NPSR1: variants seen among roughly 807,000 people sequenced by gnomAD.
NPSR1 encodes the protein neuropeptide S receptor 1.
In NPSR1, 48 loss-of-function variants were observed where a neutral mutation model predicts 46.9. That is an observed-to-expected ratio of 1.02 (90% CI 0.81 to 1.30). NPSR1 has a LOEUF of 1.30. Among genes scored for constraint, NPSR1 ranks in the 50% most tolerant of loss-of-function variants. The probability of loss-of-function intolerance (pLI) is 0.00; values close to 1 mark genes in which losing one functional copy is unlikely to be tolerated. For missense variants in NPSR1, 450 were observed against 449.5 expected, an observed-to-expected ratio of 1.00 and a Z score of -0.01; for synonymous variants, 176 against 168.1, an observed-to-expected ratio of 1.05 and a Z score of -0.36.
At chr7:34,764,382 C>T (rs1786326587) in intron 2 of NPSR1, among the ~76,000 whole-genome samples, 2 of 152,296 alleles carry the variant, frequency 1.3e-5, no homozygotes, top group East Asian at 1.9e-4. Context: ...CAGAGGTCTG[C>T]AAACTCCAGC....
intron 8 of NPSR1, among the ~76,000 whole-genome samples, chr7:34,875,115 T>C (rs1425334509): frequency 6.6e-6 from 1 of 152,180 alleles, no homozygotes; most frequent in African/African-American, 2.4e-5. Context: ...GTAGACACTC[T>C]TTGCATATTT....
At chr7:34,791,693 A>T (rs549248163) in intron 3 of NPSR1, among the ~76,000 whole-genome samples, 9 of 151,974 alleles carry the variant, frequency 5.9e-5, no homozygotes, top group East Asian at 3.9e-4. Flanking sequence ...TACAGAAATT[A>T]AAAAAAATCA....
chr7:34,786,308 T>G (rs1361506854), intron 3 of NPSR1, among the ~76,000 whole-genome samples: 2 of 152,134 alleles, frequency 1.3e-5, no homozygotes, highest in East Asian at 3.9e-4. Flanking sequence ...CAATTCCTCA[T>G]CCATTCTAGT....
chr7:34,827,348 C>A, intron 4 of NPSR1, 53 bp from the exon 5 acceptor site: 1 of 1,520,708 alleles, frequency 6.6e-7, no homozygotes, highest in Non-Finnish European at 9.1e-7. Context: ...CTCCATTGTG[C>A]TCCCAAAAAT....
Position 34,792,698 on chromosome 7 carries a change from TAC to T in NPSR1, c.384+14134_384+14135del, listed in dbSNP as rs199603531. 9.0e-4 allele frequency among the ~76,000 whole-genome samples: 103 copies of T among 114,608 alleles called. 1 individual carries two copies. The highest frequency in any genetic ancestry group is 4.4e-3 in the Middle Eastern group (1 of 228). The allele number at this position is 114,608 out of a possible 152,430, so 75.2% of individuals were successfully genotyped here. On this transcript the variant is annotated intron_variant, in intron 3 of 8. Transcript: ENST00000360581. ...ATGTATATATATATATGTATATATA[TAC>T]GTATATATATATATTTATATATATA...
intron 1 of NPSR1, among the ~76,000 whole-genome samples, chr7:34,679,325 C>T (rs180726188): frequency 3.3e-5 from 5 of 152,076 alleles, no homozygotes; most frequent in Admixed American, 3.3e-4. Flanking sequence ...ATTCTACTTA[C>T]AGGAGAAATA....
intron 1 of NPSR1, among the ~76,000 whole-genome samples, chr7:34,664,608 C>CTT (rs112253730): frequency 9.9e-5 from 10 of 101,298 alleles, no homozygotes; most frequent in Non-Finnish European, 1.5e-4. Context: ...TGTTTCTTTT[C>CTT]TTTTTTTTAA....
chr7:34,705,599 ATCTCTCTCTC>A (rs60599463), intron 2 of NPSR1, among the ~76,000 whole-genome samples: 21 of 147,316 alleles, frequency 1.4e-4, no homozygotes, highest in South Asian at 4.4e-4. Flanking sequence ...ATGTATGTTG[ATCTCTCTCTC>A]TCTCTCTCTC....
Position 34,739,622 on chromosome 7 carries a change from C to G in NPSR1, c.281-38840C>G, listed in dbSNP as rs1456050057. Among the ~76,000 whole-genome samples the G allele has an allele frequency of 3.9e-5, 6 of 152,326 alleles. No homozygotes were observed. The East Asian group carries it at 1.2e-3, about 29-fold the overall frequency. On this transcript the variant is annotated intron_variant, in intron 2 of 8. Coordinates refer to ENST00000360581, the MANE Select transcript of NPSR1 (RefSeq NM_207172.2). ...TTCCCTTGATGTAGTACTCTCCCCA[C>G]TTTTCCTAGGGATGTGGCTTCCTGA...
At chr7:34,878,017 T>C (rs1791616160) in intron 8 of NPSR1, 1 of 960,738 alleles carries the variant, frequency 1.0e-6, no homozygotes, top group Non-Finnish European at 1.6e-6. Context: ...TCCTTCCTTT[T>C]ATGCAAATAG....
chr7:34,750,641 T>C (rs1179007244), intron 2 of NPSR1: 2 of 687,304 alleles, frequency 2.9e-6, no homozygotes, highest in South Asian at 1.5e-5. Context: ...CTTGGCCCCA[T>C]GTTGTAGCTT....
chr7:34,707,396 T>C (rs536353584), intron 2 of NPSR1, among the ~76,000 whole-genome samples: 3 of 152,322 alleles, frequency 2.0e-5, no homozygotes, highest in Non-Finnish European at 4.4e-5. Context: ...ATAGCTGGCT[T>C]CTGGCCCATG....
chr7:34,765,057 AG>A (rs1786367025), intron 2 of NPSR1, among the ~76,000 whole-genome samples: 1 of 152,298 alleles, frequency 6.6e-6, no homozygotes. Flanking sequence ...GAAAATCCAA[AG>A]AAAAATCTGA....
intron 2 of NPSR1, chr7:34,751,692 G>C (rs1031203348): frequency 2.0e-5 from 32 of 1,588,800 alleles, no homozygotes; most frequent in African/African-American, 4.0e-5. Context: ...TCATCAACAG[G>C]AAAGTGGGGA....
intron 1 of NPSR1, 132 bp downstream of exon 1, chr7:34,658,691 A>G (rs948735225): frequency 2.1e-6 from 2 of 975,548 alleles, no homozygotes; most frequent in South Asian, 1.6e-5. Flanking sequence ...AGGATTTTTA[A>G]AAGTCTGAAG....
intron 4 of NPSR1, among the ~76,000 whole-genome samples, chr7:34,820,849 T>C (rs1035586356): frequency 1.3e-5 from 2 of 152,206 alleles, no homozygotes; most frequent in Non-Finnish European, 2.9e-5. Context: ...AGACAAAGAA[T>C]TGTGGAGACC....
intron 3 of NPSR1, among the ~76,000 whole-genome samples, chr7:34,792,725 A>ATACG (rs1787987882): frequency 9.0e-6 from 1 of 110,804 alleles, no homozygotes; most frequent in African/African-American, 3.2e-5. Context: ...TTATATATAT[A>ATACG]TATATATATT....
intron 2 of NPSR1, among the ~76,000 whole-genome samples, chr7:34,706,960 G>A (rs914447540): frequency 5.9e-5 from 9 of 152,050 alleles, no homozygotes; most frequent in African/African-American, 2.2e-4. Flanking sequence ...AGAGCTGGGT[G>A]GGCCATGTTC....
At chr7:34,850,099 G>C, downstream of NPSR1, 3 of 550,918 alleles carry the variant, frequency 5.4e-6, no homozygotes, top group African/African-American at 6.2e-5. Context: ...GAGGTTCAGT[G>C]CTTGTAGCCA....
Sources: allele counts gnomAD v4.1 joint callset (sites outside exome capture counted in the v4.1 genomes callset), GRCh38; gene constraint gnomAD v4.1.1; transcripts MANE v1.5; gene names NCBI Gene and HGNC (gene_info 2026-07-23, HGNC 2026-07-21).